Variants in TMEM230 observed in about 807,000 individuals in gnomAD.
The protein encoded by TMEM230 is UPF0414 transmembrane protein C20orf30.
A neutral mutation model predicts 15.8 loss-of-function variants in TMEM230; 10 were observed. That is an observed-to-expected ratio of 0.63 (90% CI 0.39 to 1.07). The LOEUF is 1.07. Ranked by LOEUF, TMEM230 falls within the 50% of genes least tolerant of loss-of-function variation. TMEM230 has a pLI of 0.01. For missense variants in TMEM230, 165 were observed against 193.3 expected (o/e 0.85, Z 0.87); for synonymous variants, 67 against 76.9 (o/e 0.87, Z 0.68).
At chr20:5,097,107 G>A (rs985952863), downstream of TMEM230, among the ~76,000 whole-genome samples, 2 of 152,164 alleles carry the variant, frequency 1.3e-5, no homozygotes, top group Admixed American at 6.5e-5. Flanking sequence ...TTGGGGATAG[G>A]TGGTCAGAAA....
At chr20:5,092,961 C>T (rs2089553519) in intron 3 of TMEM230, among the ~76,000 whole-genome samples, 1 of 152,104 alleles carries the variant, frequency 6.6e-6, no homozygotes. Flanking sequence ...CCCACTCTCA[C>T]CACTTATATT....
chr20:5,100,928 C>A lies in TMEM230; in HGVS notation c.415G>T (p.Ala139Ser). 4.3e-6 allele frequency: 7 copies of A among 1,613,864 alleles called. No homozygotes were observed. Among genetic ancestry groups the A allele is most frequent in the Non-Finnish European group, 5.9e-6 (7 of 1,179,878 alleles). The stretch of plus-strand genomic sequence containing the variant: ...ATCAGCACTGGAACGGCCCGGTCTG[C>A]CCCCTGGTGGCAGAAGGAGGCAAAC... The change falls in exon 5 of 5, where the codon GCA becomes TCA. Residue 139 changes from alanine to serine, a missense_variant. Physicochemically the swap from Ala to Ser is moderately conservative, Grantham distance 99. Transcript: ENST00000342308.
At chr20:5,067,701 C>T (rs959118719), downstream of TMEM230, among the ~76,000 whole-genome samples, 1 of 149,980 alleles carries the variant, frequency 6.7e-6, no homozygotes, top group Non-Finnish European at 1.5e-5. Flanking sequence ...CTCAACCTCC[C>T]AAAGTTCTGG....
At chr20:5,071,078 G>A (rs918917921) in intron 3 of TMEM230, among the ~76,000 whole-genome samples, 3 of 152,172 alleles carry the variant, frequency 2.0e-5, no homozygotes, top group Non-Finnish European at 2.9e-5. Context: ...AGTTGTCCGA[G>A]GGTACTCAAT....
intron 3 of TMEM230, among the ~76,000 whole-genome samples, chr20:5,076,645 C>T (rs1383539802): frequency 6.7e-6 from 1 of 149,324 alleles, no homozygotes; most frequent in East Asian, 2.0e-4. Flanking sequence ...TCTGTGTATA[C>T]TTTGCCTGTT....
At chr20:5,086,131 G>A (rs189361830) in intron 3 of TMEM230, among the ~76,000 whole-genome samples, 15 of 151,642 alleles carry the variant, frequency 9.9e-5, no homozygotes, top group East Asian at 7.7e-4. Flanking sequence ...GCGGTGGCTC[G>A]TGCCTGTAAT....
intron 3 of TMEM230, among the ~76,000 whole-genome samples, chr20:5,108,476 G>C (rs898201346): frequency 2.0e-5 from 3 of 150,646 alleles, no homozygotes; most frequent in African/African-American, 7.3e-5. Flanking sequence ...CAAATGATTA[G>C]TTGTTTGTTC....
chr20:5,089,290 G>A (rs150128396), intron 3 of TMEM230, among the ~76,000 whole-genome samples: 281 of 152,184 alleles, frequency 1.8e-3, no homozygotes, highest in African/African-American at 6.4e-3. Flanking sequence ...CAGGAGAATC[G>A]CTTGAACCTG....
intron 4 of TMEM230, 98 bp downstream of exon 3, chr20:5,106,078 AACACACACACAC>A (rs61087830): frequency 7.1e-5 from 39 of 551,084 alleles, no homozygotes; most frequent in East Asian, 5.2e-4. Context: ...GGGACGGACA[AACACACACACAC>A]ACACACACAC....
At chr20:5,099,349 T>C (rs2089765933), downstream of TMEM230, among the ~76,000 whole-genome samples, 2 of 152,150 alleles carry the variant, frequency 1.3e-5, no homozygotes, top group Non-Finnish European at 2.9e-5. Context: ...TCACCTCACA[T>C]ATTCACTGTC....
downstream of TMEM230, chr20:5,067,410 CATATATATATAT>C (rs60791101): frequency 6.7e-4 from 69 of 102,298 alleles, no homozygotes; most frequent in East Asian, 1.8e-3. Flanking sequence ...TGTTTAGGCT[CATATATATATAT>C]ATATATATAT....
At chr20:5,069,898 C>T (rs261350) in intron 3 of TMEM230, among the ~76,000 whole-genome samples, 95,608 of 151,906 alleles carry the variant, frequency 0.63, 30,578 homozygotes, top group East Asian at 0.84. Flanking sequence ...TTAGGAGAGA[C>T]GGGGTTTCAC....
At chr20:5,112,606 CA>C in intron 1 of TMEM230, 1 of 1,020,302 alleles carries the variant, frequency 9.8e-7, no homozygotes. Context: ...TCTTCGTTGC[CA>C]ACAGGCTTTT....
At chr20:5,087,909 T>A (rs577035601) in intron 3 of TMEM230, among the ~76,000 whole-genome samples, 1 of 146,866 alleles carries the variant, frequency 6.8e-6, no homozygotes, top group African/African-American at 2.5e-5. Context: ...GCCAGGTGAG[T>A]CTCAAACTCC....
At chr20:5,078,015 A>G (rs1331256000) in intron 3 of TMEM230, among the ~76,000 whole-genome samples, 1 of 151,362 alleles carries the variant, frequency 6.6e-6, no homozygotes, top group Non-Finnish European at 1.5e-5. Flanking sequence ...ATTTGTATCA[A>G]CACTTCATGA....
At chr20:5,069,416 A>C in intron 3 of TMEM230, 1 of 1,453,284 alleles carries the variant, frequency 6.9e-7, no homozygotes, top group Non-Finnish European at 9.1e-7. Context: ...AAAAAATCCT[A>C]ATTGTCAAGA....
At chr20:5,107,917 G>A (rs192457921) in intron 3 of TMEM230, among the ~76,000 whole-genome samples, 1 of 151,836 alleles carries the variant, frequency 6.6e-6, no homozygotes, top group Non-Finnish European at 1.5e-5. Flanking sequence ...TTCGAGACCA[G>A]CCTGGCCAAC....
intron 3 of TMEM230, among the ~76,000 whole-genome samples, chr20:5,082,586 G>A (rs1033149432): frequency 2.0e-5 from 3 of 151,946 alleles, no homozygotes; most frequent in African/African-American, 7.3e-5. Flanking sequence ...GGGATTACAG[G>A]TGCCCACCAC....
At chr20:5,064,814 G>C (rs964726348), downstream of TMEM230, among the ~76,000 whole-genome samples, 3 of 152,074 alleles carry the variant, frequency 2.0e-5, no homozygotes, top group African/African-American at 7.2e-5. Flanking sequence ...AAAAAGAGTT[G>C]AAAACAAAGA....
Sources: allele counts gnomAD v4.1 joint callset (sites outside exome capture counted in the v4.1 genomes callset), GRCh38; gene constraint gnomAD v4.1.1; transcripts MANE v1.5; gene names NCBI Gene and HGNC (gene_info 2026-07-23, HGNC 2026-07-21).